Variants in INPP4A observed in about 807,000 individuals in gnomAD.
INPP4A encodes the protein inositol polyphosphate-4-phosphatase type I A, also known as inositol polyphosphate-4-phosphatase, type I, 107kD.
INPP4A carries 33 observed loss-of-function variants against 119.8 expected under a neutral mutation model. That is an observed-to-expected ratio of 0.28 (90% CI 0.21 to 0.37). INPP4A has a LOEUF of 0.37. INPP4A is among the 10% of genes least tolerant of loss of function. The pLI is 1.00. For missense variants in INPP4A, 956 were observed against 1,289.9 expected (o/e 0.74, Z 3.97); for synonymous variants, 496 against 500.7 (o/e 0.99, Z 0.12).
chr2:98,544,904 G>A (rs990792911), intron 11 of INPP4A, among the ~76,000 whole-genome samples: 1 of 152,182 alleles, frequency 6.6e-6, no homozygotes, highest in African/African-American at 2.4e-5. Flanking sequence ...TAGGAGAAAC[G>A]GCAACATTTG....
rs117877780 is a variant in INPP4A, at chr2:98,485,002, A to G, written c.-165-33962A>G. Among the ~76,000 whole-genome samples the G allele has an allele frequency of 2.6e-4, 40 of 151,254 alleles. 1 individual carries two copies. The East Asian group carries it at 5.1e-3, about 19-fold the overall frequency. On this transcript the variant is annotated intron_variant, in intron 1 of 24. Coordinates refer to ENST00000409851, the MANE Select transcript of INPP4A (RefSeq NM_001134225.2). The stretch of plus-strand genomic sequence containing the variant: ...CGAGAGTAGTGGCTTCAGTCTTCCA[A>G]TCAGTGGCTTTTCTCTCACTTGGCT...
chr2:98,560,107 A>C (rs1314162238), intron 17 of INPP4A, among the ~76,000 whole-genome samples: 1 of 152,176 alleles, frequency 6.6e-6, no homozygotes, highest in Non-Finnish European at 1.5e-5. Flanking sequence ...TAAAATATTT[A>C]CTGTCTAGCT....
At chr2:98,586,122 C>G (rs1205587516) in intron 24 of INPP4A, among the ~76,000 whole-genome samples, 1 of 152,222 alleles carries the variant, frequency 6.6e-6, no homozygotes, top group Non-Finnish European at 1.5e-5. Context: ...GTGTTCAGCT[C>G]AGATGACACA....
intron 1 of INPP4A, among the ~76,000 whole-genome samples, chr2:98,479,476 A>G (rs180997884): frequency 1.3e-5 from 2 of 152,196 alleles, no homozygotes; most frequent in Non-Finnish European, 2.9e-5. Context: ...GGTTTGAAGC[A>G]GCTTGCTCCA....
At chr2:98,493,301 C>T (rs1474212626) in intron 1 of INPP4A, among the ~76,000 whole-genome samples, 1 of 152,076 alleles carries the variant, frequency 6.6e-6, no homozygotes, top group Non-Finnish European at 1.5e-5. Flanking sequence ...TGTGGCTTGT[C>T]TGCCTACCCC....
chr2:98,489,934 C>G (rs1680356443), intron 1 of INPP4A, among the ~76,000 whole-genome samples: 1 of 140,068 alleles, frequency 7.1e-6, no homozygotes, highest in Non-Finnish European at 1.5e-5. Flanking sequence ...GGATTGACAT[C>G]CCTGTAGGAT....
chr2:98,587,460 C>T lies in INPP4A; in HGVS notation c.2787-16C>T. 1.3e-6 allele frequency: 2 copies of T among 1,556,548 alleles called. No individual in the cohort carries two copies. The highest frequency in any genetic ancestry group is 1.2e-5 in the South Asian group (1 of 81,106). ...TTTTTTACTGCCGTCATTTCTTGTG[C>T]TTGTTTTTTCCCCAGTGAGGGTTGT... On this transcript the variant is annotated splice_polypyrimidine_tract_variant and intron_variant, in intron 24 of 24. Coordinates refer to ENST00000409851, the MANE Select transcript of INPP4A (RefSeq NM_001134225.2).
In INPP4A at chr2:98,493,691, A is replaced by G. The variant is rs369141797; in HGVS notation, c.-165-25273A>G. 5.3e-5 allele frequency among the ~76,000 whole-genome samples: 8 copies of G among 152,168 alleles called. No homozygotes were observed. The East Asian group carries it at 1.5e-3, about 29-fold the overall frequency. Reference sequence around the variant, plus strand: ...GGATTACAGCCTCAGCCCCAAAATAATGTCTTTTTAAAAGCACGGTTTAAT... The same window carrying G: ...GGATTACAGCCTCAGCCCCAAAATAGTGTCTTTTTAAAAGCACGGTTTAAT... On this transcript the variant is annotated intron_variant, in intron 1 of 24. Transcript: ENST00000409851.
At chr2:98,549,039 C>G in intron 13 of INPP4A, 1 of 1,430,612 alleles carries the variant, frequency 7.0e-7, no homozygotes, top group Non-Finnish European at 9.7e-7. Context: ...CTTGTGCCAT[C>G]CCCACACCTC....
chr2:98,549,039 C>T, intron 13 of INPP4A: 1 of 1,430,612 alleles, frequency 7.0e-7, no homozygotes, highest in Non-Finnish European at 9.7e-7. Flanking sequence ...CTTGTGCCAT[C>T]CCCACACCTC....
At chr2:98,469,353 C>G (rs1005101169) in intron 1 of INPP4A, among the ~76,000 whole-genome samples, 1 of 151,816 alleles carries the variant, frequency 6.6e-6, no homozygotes, top group Non-Finnish European at 1.5e-5. Flanking sequence ...AAAAATTAGT[C>G]GGGTGTGGTG....
intron 17 of INPP4A, among the ~76,000 whole-genome samples, chr2:98,559,748 G>A (rs1335508643): frequency 6.6e-6 from 1 of 152,192 alleles, no homozygotes; most frequent in Non-Finnish European, 1.5e-5. Context: ...CTTTACAGAT[G>A]AGCGTGTTGG....
chr2:98,536,714 C>A lies in INPP4A; in HGVS notation c.467+506C>A, dbSNP rs549975322. On this transcript the variant is annotated intron_variant, in intron 7 of 24. Coordinates refer to ENST00000409851, the MANE Select transcript of INPP4A (RefSeq NM_001134225.2). ...ATTTTAGGGGCACTTCCCACCAAAA[C>A]CCTGACATGGTGGTCTTTTTTCAGA... 3.2e-4 allele frequency among the ~76,000 whole-genome samples: 48 copies of A among 152,322 alleles called. No individual in the cohort carries two copies. The South Asian group carries it at 1.0e-2, about 32-fold the overall frequency.
intron 1 of INPP4A, among the ~76,000 whole-genome samples, chr2:98,489,146 G>A (rs534179881): frequency 6.6e-6 from 1 of 152,142 alleles, no homozygotes; most frequent in Admixed American, 6.5e-5. Flanking sequence ...TTTGGTTGAT[G>A]GTTGGAAAGA....
intron 13 of INPP4A, among the ~76,000 whole-genome samples, chr2:98,551,609 GC>G (rs1339048188): frequency 6.6e-6 from 1 of 152,200 alleles, no homozygotes; most frequent in Non-Finnish European, 1.5e-5. Context: ...AAGATTCTCA[GC>G]CCTGACCAAG....
In INPP4A at chr2:98,588,897, T is replaced by C. The variant is rs1700180164; in HGVS notation, c.*1289T>C. On this transcript the variant is annotated 3_prime_UTR_variant, in exon 25 of 25. Coordinates refer to ENST00000409851, the MANE Select transcript of INPP4A (RefSeq NM_001134225.2). ...TAATGATGCTGATCCTAATGATTTGTGAACCTCTTAGAAATTCTTTTGTCT... is the reference window on the plus strand; with the variant it reads ...TAATGATGCTGATCCTAATGATTTGCGAACCTCTTAGAAATTCTTTTGTCT... The C allele has an allele frequency of 9.8e-6, 2 of 204,088 alleles. No homozygotes were observed. The highest frequency in any genetic ancestry group is 1.2e-4 in the Admixed American group (2 of 16,784). 12.6% of individuals were successfully genotyped at this position (204,088 alleles called of 1,614,324 possible).
At chr2:98,568,453 T>G in intron 21 of INPP4A, 118 bp from the exon 22 acceptor site, 2 of 633,382 alleles carry the variant, frequency 3.2e-6, no homozygotes, top group Non-Finnish European at 5.8e-6. Flanking sequence ...TGGCTTAGAA[T>G]TTAGATATGC....
chr2:98,517,260 G>A (rs1686324324), intron 1 of INPP4A, among the ~76,000 whole-genome samples: 1 of 152,186 alleles, frequency 6.6e-6, no homozygotes, highest in Non-Finnish European at 1.5e-5. Flanking sequence ...CTGTTCTACT[G>A]TTGACGAACA....
chr2:98,551,115 C>G (rs1693437984), intron 13 of INPP4A, among the ~76,000 whole-genome samples: 1 of 152,042 alleles, frequency 6.6e-6, no homozygotes, highest in Non-Finnish European at 1.5e-5. Flanking sequence ...GCCACCATGC[C>G]TAGCTAATTT....
Sources: gnomAD v4.1 joint callset for allele counts (sites outside exome capture counted in the v4.1 genomes callset) on GRCh38, gnomAD v4.1.1 for gene constraint, MANE v1.5 for transcripts, NCBI Gene and HGNC (gene_info 2026-07-23, HGNC 2026-07-21) for gene names.